The following MYCBP2 variants were observed in gnomAD, a reference collection of about 807,000 sequenced individuals.
MYCBP2 encodes the protein E3 ubiquitin-protein ligase MYCBP2.
MYCBP2 carries 120 observed loss-of-function variants against 525.3 expected under a neutral mutation model. The ratio of observed to expected loss-of-function variants is 0.23; its 90% confidence interval spans 0.20 to 0.27. The LOEUF is 0.27. Among genes scored for constraint, MYCBP2 ranks in the 10% least tolerant of loss-of-function variants. MYCBP2 has a pLI of 1.00. For missense variants in MYCBP2, 4,149 were observed against 5,657.1 expected, an observed-to-expected ratio of 0.73 and a Z score of 8.55; for synonymous variants, 1,894 against 1,955.8, an observed-to-expected ratio of 0.97 and a Z score of 0.83.
chr13:77,311,165 A>G lies in MYCBP2; in HGVS notation c.303-14491T>C, dbSNP rs186540817. 1.0e-3 allele frequency among the ~76,000 whole-genome samples: 157 copies of G among 152,350 alleles called. 2 individuals are homozygous for G. Among genetic ancestry groups the G allele is most frequent in the African/African-American group, 3.7e-3 (152 of 41,574 alleles). On this transcript the variant is annotated intron_variant, in intron 1 of 82. Coordinates refer to ENST00000544440, the MANE Select transcript of MYCBP2 (RefSeq NM_015057.5). ...AACCCAAAAGTTAAAATTCCAAGTT[A>G]AAACTCTTTCTGGCCAGAGGAACTG...
intron 26 of MYCBP2, among the ~76,000 whole-genome samples, chr13:77,195,074 A>C (rs1467464544): frequency 6.6e-6 from 1 of 151,982 alleles, no homozygotes; most frequent in Admixed American, 6.6e-5. Context: ...TGGAAGGTGA[A>C]TTGCAAGAGA....
intron 26 of MYCBP2, among the ~76,000 whole-genome samples, chr13:77,200,012 C>T (rs1485910664): frequency 2.0e-5 from 3 of 152,194 alleles, no homozygotes; most frequent in African/African-American, 4.8e-5. Flanking sequence ...AACACAGTTC[C>T]TCACCAGCAA....
intron 2 of MYCBP2, among the ~76,000 whole-genome samples, chr13:77,294,152 A>ATATACAT (rs370909379): frequency 2.1e-5 from 2 of 94,256 alleles, no homozygotes; most frequent in Non-Finnish European, 4.5e-5. Context: ...ACATATATAT[A>ATATACAT]AAATATATAT....
intron 55 of MYCBP2, among the ~76,000 whole-genome samples, chr13:77,117,816 T>C (rs2050037583): frequency 6.6e-6 from 1 of 152,128 alleles, no homozygotes; most frequent in East Asian, 1.9e-4. Flanking sequence ...TGTGAATTAC[T>C]ATCATGAATG....
intron 2 of MYCBP2, among the ~76,000 whole-genome samples, chr13:77,291,441 AC>A: frequency 6.6e-6 from 1 of 152,204 alleles, no homozygotes; most frequent in Non-Finnish European, 1.5e-5. Flanking sequence ...GATTGGAACA[AC>A]CACTTTGGAA....
In MYCBP2 at chr13:77,067,782, G is replaced by T; in HGVS notation, c.12254C>A (p.Pro4085Gln). ...GTGAATGATATCACTGATATCTGCT[G>T]GGGGGAGGGATTTCACTCCTATGAT... ...ASIIGVKSLP[P>Q]ADISDIIHST... Residue 4085 changes from proline (P) to glutamine (Q), a missense_variant, in exon 71 of 83, where the codon CCA becomes CAA. By Grantham distance (76) the Pro-to-Gln change is moderately conservative. Around this residue, in one of 21 missense-constraint regions of MYCBP2, gnomAD observed 148 missense variants for 179.4 expected, o/e 0.82. Transcript: ENST00000544440. The T allele has an allele frequency of 6.2e-7, 1 of 1,613,970 alleles. No homozygotes were observed. The highest frequency in any genetic ancestry group is 1.1e-5 in the South Asian group (1 of 91,078).
intron 65 of MYCBP2, among the ~76,000 whole-genome samples, chr13:77,079,392 C>T (rs2042899055): frequency 1.3e-5 from 2 of 152,142 alleles, no homozygotes; most frequent in Non-Finnish European, 2.9e-5. Flanking sequence ...AACATTAATA[C>T]ACAAAATAAA....
In MYCBP2 at chr13:77,211,335, A is replaced by G; in HGVS notation, c.3263-15T>C. The G allele has an allele frequency of 7.9e-7, 1 of 1,268,244 alleles. No individual in the cohort carries two copies. The highest frequency in any genetic ancestry group is 1.0e-6 in the Non-Finnish European group (1 of 985,010). 78.6% of individuals were successfully genotyped at this position (1,268,244 alleles called of 1,614,324 possible). A position where few individuals can be genotyped will look rare whatever the true frequency, so the allele number is the denominator to read the frequency against. Reference sequence around the variant, plus strand: ...AGGTACCAAGCCTTAAGAAAAAAATATTTATATATAATTTTAATATATATT... The same window carrying G: ...AGGTACCAAGCCTTAAGAAAAAAATGTTTATATATAATTTTAATATATATT... On this transcript the variant is annotated splice_polypyrimidine_tract_variant and intron_variant, in intron 22 of 82. Coordinates refer to ENST00000544440, the MANE Select transcript of MYCBP2 (RefSeq NM_015057.5).
intron 17 of MYCBP2, among the ~76,000 whole-genome samples, chr13:77,236,730 A>T (rs1036201799): frequency 6.6e-6 from 1 of 152,150 alleles, no homozygotes; most frequent in Non-Finnish European, 1.5e-5. Context: ...GTTTTCCAAG[A>T]ATTAAAAAGA....
At chr13:77,218,200 T>C (rs888148559) in intron 20 of MYCBP2, among the ~76,000 whole-genome samples, 2 of 152,184 alleles carry the variant, frequency 1.3e-5, no homozygotes, top group African/African-American at 4.8e-5. Context: ...ACCCTAATTA[T>C]AGACACATAA....
At chr13:77,139,687 A>T (rs1036055995) in intron 51 of MYCBP2, among the ~76,000 whole-genome samples, 6 of 152,344 alleles carry the variant, frequency 3.9e-5, no homozygotes, top group African/African-American at 1.4e-4. Context: ...TTACTTGGTT[A>T]TATTACCAGA....
At chr13:77,250,091 C>T (rs1487602573) in intron 15 of MYCBP2, among the ~76,000 whole-genome samples, 1 of 151,240 alleles carries the variant, frequency 6.6e-6, no homozygotes, top group Non-Finnish European at 1.5e-5. Context: ...GGCGTAGTGG[C>T]GGGCGCCTGT....
chr13:77,317,019 G>A (rs1209839629), intron 1 of MYCBP2, among the ~76,000 whole-genome samples: 2 of 151,426 alleles, frequency 1.3e-5, no homozygotes, highest in African/African-American at 2.4e-5. Flanking sequence ...GCGCAATCTC[G>A]GCTCACTGCA....
At chr13:77,112,239 C>T (rs1462724082) in intron 55 of MYCBP2, among the ~76,000 whole-genome samples, 1 of 149,878 alleles carries the variant, frequency 6.7e-6, no homozygotes, top group Non-Finnish European at 1.5e-5. Flanking sequence ...TATGATCCCA[C>T]TTAGCCAACC....
intron 27 of MYCBP2, among the ~76,000 whole-genome samples, chr13:77,193,691 G>C (rs1224563599): frequency 6.6e-6 from 1 of 152,116 alleles, no homozygotes; most frequent in Non-Finnish European, 1.5e-5. Context: ...AGTAAAGCTA[G>C]TCACCTCCCC....
chr13:77,095,626 A>C (rs1255913144), intron 57 of MYCBP2, 24 bp from the exon 58 acceptor site: 2 of 1,604,462 alleles, frequency 1.2e-6, no homozygotes, highest in Non-Finnish European at 8.5e-7. Context: ...AAATCAAACT[A>C]ATCTTTTCTG....
intron 55 of MYCBP2, among the ~76,000 whole-genome samples, chr13:77,114,230 T>C (rs1026790556): frequency 1.3e-5 from 2 of 152,156 alleles, no homozygotes; most frequent in African/African-American, 4.8e-5. Flanking sequence ...CCTTTCTAAA[T>C]TCCTTCCTGC....
chr13:77,056,941 G>T, intron 79 of MYCBP2, 45 bp downstream of exon 79: 7 of 1,422,564 alleles, frequency 4.9e-6, no homozygotes, highest in Non-Finnish European at 6.9e-6. Context: ...TGAAAAGAAA[G>T]AACAAAAGAA....
At chr13:77,207,307 G>T (rs1005656589) in intron 23 of MYCBP2, among the ~76,000 whole-genome samples, 6 of 152,190 alleles carry the variant, frequency 3.9e-5, no homozygotes, top group African/African-American at 1.2e-4. Context: ...GGATGTGGAT[G>T]TTCAACCATA....
Sources: gnomAD v4.1 joint callset for allele counts (sites outside exome capture counted in the v4.1 genomes callset) on GRCh38, gnomAD v4.1.1 for gene constraint, gnomAD v4.1.1 regional missense constraint, MANE v1.5 for transcripts, NCBI Gene and HGNC (gene_info 2026-07-23, HGNC 2026-07-21) for gene names.